The following ACBD6 variants were observed in gnomAD, a reference collection of about 807,000 sequenced individuals.
The protein encoded by ACBD6 is acyl-CoA-binding domain-containing protein 6.
A neutral mutation model predicts 37.2 loss-of-function variants in ACBD6; 28 were observed. That is an observed-to-expected ratio of 0.75 (90% CI 0.56 to 1.03). ACBD6 has a LOEUF of 1.03. Among genes scored for constraint, ACBD6 ranks in the 50% least tolerant of loss-of-function variants. ACBD6 has a pLI of 0.00. For missense variants in ACBD6, 340 were observed against 337.4 expected, an observed-to-expected ratio of 1.01 and a Z score of -0.06; for synonymous variants, 113 against 126.8, an observed-to-expected ratio of 0.89 and a Z score of 0.73.
chr1:180,456,292 AG>A (rs1437994803), intron 3 of ACBD6, among the ~76,000 whole-genome samples: 2 of 152,180 alleles, frequency 1.3e-5, no homozygotes, highest in African/African-American at 4.8e-5. Flanking sequence ...ACCCTCAAAA[AG>A]TTTCAAAAAC....
In ACBD6 at chr1:180,345,106, G is replaced by A. The variant is rs549199313; in HGVS notation, c.664-30384C>T. ...TATATTTGTATTAATTTACCGAGCT[G>A]GTCTAGCATTCAAAGTTAGGTAAAT... On this transcript the variant is annotated intron_variant, in intron 6 of 7. Transcript: ENST00000367595. Among the ~76,000 whole-genome samples, 228 of 152,230 alleles carry A rather than the reference G, an allele frequency of 1.5e-3. 1 individual carries two copies. The highest frequency in any genetic ancestry group is 3.4e-3 in the Middle Eastern group (1 of 294).
chr1:180,391,225 A>G (rs185176760), intron 6 of ACBD6, among the ~76,000 whole-genome samples: 12 of 152,300 alleles, frequency 7.9e-5, no homozygotes, highest in Non-Finnish European at 1.6e-4. Flanking sequence ...TAAAATTCTT[A>G]GAAGAAAAAG....
At chr1:180,480,343 T>C (rs1210420680) in intron 3 of ACBD6, among the ~76,000 whole-genome samples, 2 of 152,126 alleles carry the variant, frequency 1.3e-5, no homozygotes, top group Non-Finnish European at 2.9e-5. Context: ...AAGAAAGTGA[T>C]AGATGCAGAT....
At chr1:180,288,089 C>T (rs1649562040), downstream of ACBD6, 1 of 396,512 alleles carries the variant, frequency 2.5e-6, no homozygotes, top group African/African-American at 2.0e-5. Context: ...GTCTCCTCTT[C>T]TGCCCACCCT....
At chr1:180,368,956 C>T (rs1011674459) in intron 6 of ACBD6, among the ~76,000 whole-genome samples, 1 of 152,046 alleles carries the variant, frequency 6.6e-6, no homozygotes, top group Non-Finnish European at 1.5e-5. Flanking sequence ...TAGTATCTAC[C>T]TTCATAATCT....
chr1:180,413,988 G>C (rs374377664), intron 4 of ACBD6, among the ~76,000 whole-genome samples: 1 of 152,188 alleles, frequency 6.6e-6, no homozygotes, highest in African/African-American at 2.4e-5. Context: ...GGTGGAATAA[G>C]AGCTAGAACT....
chr1:180,274,638 A>G, intron 10 of ACBD6: 1 of 1,484,936 alleles, frequency 6.7e-7, no homozygotes, highest in African/African-American at 1.4e-5. Context: ...TTCAAGGATC[A>G]AAAGAGACTT....
chr1:180,497,393 C>T (rs1055304202), intron 1 of ACBD6, among the ~76,000 whole-genome samples: 8 of 152,134 alleles, frequency 5.3e-5, no homozygotes, highest in African/African-American at 1.9e-4. Context: ...TCCCTTTGCT[C>T]TGGATAGGAT....
At chr1:180,370,186 T>C (rs1172551773) in intron 6 of ACBD6, among the ~76,000 whole-genome samples, 1 of 152,054 alleles carries the variant, frequency 6.6e-6, no homozygotes, top group African/African-American at 2.4e-5. Flanking sequence ...ACAAGACAGA[T>C]TAAACAAAGG....
intron 6 of ACBD6, among the ~76,000 whole-genome samples, chr1:180,343,767 A>C (rs530410711): frequency 3.6e-4 from 55 of 152,154 alleles, no homozygotes; most frequent in Non-Finnish European, 6.2e-4. Flanking sequence ...GCATAAAAAC[A>C]AAACAAAACA....
At chr1:180,357,091 A>T (rs1652659514) in intron 6 of ACBD6, among the ~76,000 whole-genome samples, 2 of 152,224 alleles carry the variant, frequency 1.3e-5, no homozygotes, top group South Asian at 4.1e-4. Flanking sequence ...ATTTTTAATG[A>T]CACTACTGAG....
At chr1:180,398,888 A>G (rs1326742799) in intron 5 of ACBD6, among the ~76,000 whole-genome samples, 2 of 151,346 alleles carry the variant, frequency 1.3e-5, no homozygotes, top group Non-Finnish European at 2.9e-5. Context: ...TTAAATAGAT[A>G]TAAGCTAGGG....
intron 3 of ACBD6, among the ~76,000 whole-genome samples, chr1:180,469,326 T>G (rs1341468590): frequency 6.6e-6 from 1 of 152,188 alleles, no homozygotes; most frequent in East Asian, 1.9e-4. Context: ...GCTGTAAAGT[T>G]AGTAATATTT....
chr1:180,271,467 C>T, exon 14 of ACBD6: 1 of 1,614,188 alleles, frequency 6.2e-7, no homozygotes. Context: ...AAGAACTCCC[C>T]CAAGCCTGCC....
intron 7 of ACBD6, among the ~76,000 whole-genome samples, chr1:180,301,744 C>A (rs1650138843): frequency 6.6e-6 from 1 of 152,094 alleles, no homozygotes. Context: ...ACTGCGAGAT[C>A]ACTTTTTAAC....
intron 7 of ACBD6, among the ~76,000 whole-genome samples, chr1:180,306,477 C>T (rs1437477328): frequency 6.6e-6 from 1 of 152,162 alleles, no homozygotes; most frequent in Non-Finnish European, 1.5e-5. Flanking sequence ...TACCTCCTTA[C>T]TTCACCCAAG....
rs149213279 is a variant in ACBD6 at position 180,296,554 on chromosome 1, T to C, written c.695-8037A>G. On this transcript the variant is annotated intron_variant, in intron 7 of 7. Coordinates refer to ENST00000367595, the MANE Select transcript of ACBD6 (RefSeq NM_032360.4). Reference sequence around the variant, plus strand: ...AAGCGATTCTCGTACCTCAGCCTCCTGAGTAGGTGAGATTACTGGCCATGT... The same window carrying C: ...AAGCGATTCTCGTACCTCAGCCTCCCGAGTAGGTGAGATTACTGGCCATGT... Among the ~76,000 whole-genome samples the C allele has an allele frequency of 1.2e-3, 178 of 152,216 alleles. 1 individual carries two copies. The highest frequency in any genetic ancestry group is 4.2e-3 in the African/African-American group (173 of 41,552).
chr1:180,366,846 T>A (rs1298169171), intron 6 of ACBD6, among the ~76,000 whole-genome samples: 2 of 152,178 alleles, frequency 1.3e-5, no homozygotes, highest in East Asian at 3.8e-4. Context: ...ATGCATCCGA[T>A]AGCTATGAAT....
intron 6 of ACBD6, among the ~76,000 whole-genome samples, chr1:180,381,954 C>T (rs1267908388): frequency 2.0e-5 from 3 of 151,482 alleles, no homozygotes; most frequent in Non-Finnish European, 4.4e-5. Flanking sequence ...CTAAAAAATA[C>T]AAAAATTAGC....
Sources: allele counts gnomAD v4.1 joint callset (sites outside exome capture counted in the v4.1 genomes callset), GRCh38; gene constraint gnomAD v4.1.1; transcripts MANE v1.5; gene names NCBI Gene and HGNC (gene_info 2026-07-23, HGNC 2026-07-21).